WDR27: variants seen among roughly 807,000 people sequenced by gnomAD.
WDR27 encodes the protein WD repeat domain 27.
In WDR27, 100 loss-of-function variants were observed where a neutral mutation model predicts 114.4. The ratio of observed to expected loss-of-function variants is 0.87; its 90% confidence interval spans 0.74 to 1.03. The LOEUF is 1.03. Ranked by LOEUF, WDR27 falls within the 50% of genes least tolerant of loss-of-function variation. The pLI is 0.00. For missense variants in WDR27, 1,129 were observed against 1,092.9 expected, an observed-to-expected ratio of 1.03 and a Z score of -0.47; for synonymous variants, 449 against 423.1, an observed-to-expected ratio of 1.06 and a Z score of -0.75.
intron 25 of WDR27, among the ~76,000 whole-genome samples, chr6:169,475,830 T>A (rs910809052): frequency 5.9e-5 from 9 of 152,366 alleles, no homozygotes; most frequent in Admixed American, 6.5e-5. Context: ...AGCATTTTTT[T>A]AATTCTCTAA....
chr6:169,583,019 T>C (rs900782982), intron 23 of WDR27, 85 bp from the exon 24 acceptor site: 4 of 1,132,446 alleles, frequency 3.5e-6, no homozygotes, highest in Admixed American at 2.0e-5. Flanking sequence ...GGACCATCTA[T>C]AGATTAGTGT....
chr6:169,462,321 C>T (rs538335607), intron 25 of WDR27, among the ~76,000 whole-genome samples: 1 of 152,104 alleles, frequency 6.6e-6, no homozygotes, highest in African/African-American at 2.4e-5. Flanking sequence ...CCTGTAATCC[C>T]AGCTACTCGA....
intron 3 of WDR27, 61 bp downstream of exon 3, chr6:169,672,194 A>AC: frequency 1.3e-6 from 2 of 1,564,214 alleles, no homozygotes; most frequent in Non-Finnish European, 8.7e-7. Context: ...TACCAAGTAT[A>AC]CTGAAGGATG....
chr6:169,476,244 C>A (rs1787142968), intron 25 of WDR27, among the ~76,000 whole-genome samples: 1 of 152,160 alleles, frequency 6.6e-6, no homozygotes, highest in African/African-American at 2.4e-5. Flanking sequence ...TAAAACCCCT[C>A]GTGGCTTGGA....
At chr6:169,504,449 T>C (rs1022158559) in intron 25 of WDR27, among the ~76,000 whole-genome samples, 1 of 152,204 alleles carries the variant, frequency 6.6e-6, no homozygotes, top group Non-Finnish European at 1.5e-5. Context: ...GCTGCCACCA[T>C]GTAAGATGTG....
chr6:169,596,836 T>A (rs1806888579), intron 23 of WDR27, among the ~76,000 whole-genome samples: 2 of 152,184 alleles, frequency 1.3e-5, no homozygotes, highest in Admixed American at 1.3e-4. Context: ...TTAAAAAGTG[T>A]CATGATCATC....
At chr6:169,542,816 G>C (rs894208676) in intron 25 of WDR27, among the ~76,000 whole-genome samples, 1 of 152,000 alleles carries the variant, frequency 6.6e-6, no homozygotes, top group Admixed American at 6.5e-5. Flanking sequence ...TATTATGCAA[G>C]CCATATGTAT....
chr6:169,640,249 T>A (rs1161573991), intron 17 of WDR27, among the ~76,000 whole-genome samples: 1 of 152,222 alleles, frequency 6.6e-6, no homozygotes, highest in East Asian at 1.9e-4. Flanking sequence ...AGCATGTGAA[T>A]CACACATCAC....
intron 25 of WDR27, among the ~76,000 whole-genome samples, chr6:169,511,412 CA>C (rs1344839297): frequency 6.6e-6 from 1 of 152,130 alleles, no homozygotes; most frequent in Non-Finnish European, 1.5e-5. Flanking sequence ...TACAGATCAG[CA>C]CTAACAGATT....
intron 21 of WDR27, among the ~76,000 whole-genome samples, chr6:169,618,459 T>C (rs1812371273): frequency 6.6e-6 from 1 of 152,032 alleles, no homozygotes; most frequent in Non-Finnish European, 1.5e-5. Context: ...TTTAATAATA[T>C]AACACATAAA....
chr6:169,604,089 A>C (rs1240331834), intron 22 of WDR27, among the ~76,000 whole-genome samples: 2 of 152,256 alleles, frequency 1.3e-5, no homozygotes, highest in Non-Finnish European at 2.9e-5. Flanking sequence ...AGTTAGCAAC[A>C]GAAAAGAAAT....
intron 22 of WDR27, among the ~76,000 whole-genome samples, chr6:169,609,985 C>T (rs1438330811): frequency 6.6e-6 from 1 of 152,206 alleles, no homozygotes; most frequent in East Asian, 1.9e-4. Context: ...GGCAAAATGC[C>T]ATCAGTCTCT....
intron 23 of WDR27, among the ~76,000 whole-genome samples, chr6:169,592,149 C>CT (rs1459464323): frequency 6.6e-6 from 1 of 152,064 alleles, no homozygotes; most frequent in East Asian, 1.9e-4. Flanking sequence ...TCATCATGTT[C>CT]TTTTTTCCGG....
At chr6:169,465,738 T>C (rs1417674560) in intron 25 of WDR27, among the ~76,000 whole-genome samples, 1 of 152,142 alleles carries the variant, frequency 6.6e-6, no homozygotes, top group Admixed American at 6.5e-5. Flanking sequence ...TGGCACAGGC[T>C]AAAACATAAA....
chr6:169,517,824 A>G (rs1394297999), intron 25 of WDR27, among the ~76,000 whole-genome samples: 1 of 152,210 alleles, frequency 6.6e-6, no homozygotes. Context: ...ATCAACTGAT[A>G]ATCTTGTTCA....
At chr6:169,547,029 T>TA (rs1354952529) in intron 25 of WDR27, among the ~76,000 whole-genome samples, 2 of 151,926 alleles carry the variant, frequency 1.3e-5, no homozygotes, top group African/African-American at 4.8e-5. Flanking sequence ...ATAAAAAAGA[T>TA]AAAAAAAGAA....
chr6:169,688,016 G>A (rs1783469508), intron 2 of WDR27, among the ~76,000 whole-genome samples: 1 of 152,074 alleles, frequency 6.6e-6, no homozygotes, highest in Non-Finnish European at 1.5e-5. Flanking sequence ...CAGAAGCATG[G>A]ATAAAGTGTG....
At chr6:169,445,591 C>G in the WDR27 span, among the ~76,000 whole-genome samples, 2 of 152,208 alleles carry the variant, frequency 1.3e-5, no homozygotes, top group African/African-American at 4.8e-5. Flanking sequence ...TTATTACAAA[C>G]GAAAATCTAA....
At chr6:169,662,175 G>A (rs1014226011) in intron 9 of WDR27, 129 bp downstream of exon 9, 6 of 961,984 alleles carry the variant, frequency 6.2e-6, no homozygotes, top group African/African-American at 1.6e-5. Context: ...CAAGAATGAA[G>A]TTACTAATAA....
Sources: gnomAD v4.1 joint callset for allele counts (sites outside exome capture counted in the v4.1 genomes callset) on GRCh38, gnomAD v4.1.1 for gene constraint, MANE v1.5 for transcripts, NCBI Gene and HGNC (gene_info 2026-07-23, HGNC 2026-07-21) for gene names.